The following GRIN3A variants were observed in gnomAD, a reference collection of about 807,000 sequenced individuals.
GRIN3A encodes the protein glutamate receptor ionotropic, NMDA 3A.
In GRIN3A, 47 loss-of-function variants were observed where a neutral mutation model predicts 92.4. That is an observed-to-expected ratio of 0.51 (90% CI 0.40 to 0.65). GRIN3A has a LOEUF of 0.65. Among genes scored for constraint, GRIN3A ranks in the 30% least tolerant of loss-of-function variants. The pLI is 0.00. For missense variants in GRIN3A, 1,324 were observed against 1,393.1 expected (o/e 0.95, Z 0.79); for synonymous variants, 527 against 540.6 (o/e 0.97, Z 0.35).
At chr9:101,601,810 C>G (rs1386390612) in intron 6 of GRIN3A, among the ~76,000 whole-genome samples, 2 of 152,184 alleles carry the variant, frequency 1.3e-5, no homozygotes, top group African/African-American at 4.8e-5. Flanking sequence ...GCCAGTCATA[C>G]TGGATTCGGG....
At chr9:101,575,208 T>G (rs1316128638) in intron 8 of GRIN3A, among the ~76,000 whole-genome samples, 1 of 152,156 alleles carries the variant, frequency 6.6e-6, no homozygotes, top group Admixed American at 6.5e-5. Flanking sequence ...GAGCAGAGGG[T>G]ACCAGAGCTC....
At chr9:101,666,660 C>T (rs1328635133) in intron 3 of GRIN3A, among the ~76,000 whole-genome samples, 1 of 151,960 alleles carries the variant, frequency 6.6e-6, no homozygotes, top group Non-Finnish European at 1.5e-5. Flanking sequence ...TAAAATATGC[C>T]ATGCATGAAA....
intron 1 of GRIN3A, among the ~76,000 whole-genome samples, chr9:101,721,379 C>G (rs780723342): frequency 6.6e-6 from 1 of 152,164 alleles, no homozygotes; most frequent in Non-Finnish European, 1.5e-5. Context: ...TCTTTTTCTT[C>G]CCAGTCTGGG....
intron 6 of GRIN3A, among the ~76,000 whole-genome samples, chr9:101,610,074 C>T (rs755123251): frequency 1.3e-5 from 2 of 152,210 alleles, no homozygotes; most frequent in Non-Finnish European, 2.9e-5. Flanking sequence ...TGATAGAAAA[C>T]ACCAAGTGAT....
At chr9:101,708,916 G>A (rs139347861) in intron 1 of GRIN3A, among the ~76,000 whole-genome samples, 73 of 152,308 alleles carry the variant, frequency 4.8e-4, no homozygotes, top group African/African-American at 1.7e-3. Context: ...CCACACAATA[G>A]TAGAAAGCTC....
At chr9:101,690,427 A>C (rs936498933) in intron 1 of GRIN3A, among the ~76,000 whole-genome samples, 1 of 152,118 alleles carries the variant, frequency 6.6e-6, no homozygotes, top group Admixed American at 6.5e-5. Flanking sequence ...CAGAGCCTGA[A>C]ATTTCCAAAA....
At chr9:101,597,039 C>A (rs928432301) in intron 6 of GRIN3A, among the ~76,000 whole-genome samples, 4 of 152,184 alleles carry the variant, frequency 2.6e-5, no homozygotes, top group Admixed American at 1.3e-4. Context: ...CCTCTCTGTG[C>A]CTTTCACCTC....
At chr9:101,585,920 T>G (rs1025324385) in intron 6 of GRIN3A, among the ~76,000 whole-genome samples, 1 of 152,192 alleles carries the variant, frequency 6.6e-6, no homozygotes, top group Non-Finnish European at 1.5e-5. Context: ...AAGATCTATT[T>G]CCTCATATCC....
intron 6 of GRIN3A, among the ~76,000 whole-genome samples, chr9:101,598,098 TA>T (rs1434251277): frequency 6.6e-6 from 1 of 152,218 alleles, no homozygotes; most frequent in African/African-American, 2.4e-5. Flanking sequence ...TATGTACTTT[TA>T]AATTTTTAGT....
intron 6 of GRIN3A, among the ~76,000 whole-genome samples, chr9:101,612,938 A>G (rs868318237): frequency 1.7e-4 from 26 of 152,350 alleles, no homozygotes; most frequent in African/African-American, 5.1e-4. Flanking sequence ...CTACATCCAC[A>G]AAGGCTTTAT....
chr9:101,701,354 C>A (rs1007074133), intron 1 of GRIN3A, among the ~76,000 whole-genome samples: 2 of 152,080 alleles, frequency 1.3e-5, no homozygotes, highest in African/African-American at 4.8e-5. Context: ...AGTTGTTTAT[C>A]CTGATCTTCT....
At chr9:101,634,332 C>CAAAAAAAAA (rs10664535) in intron 3 of GRIN3A, among the ~76,000 whole-genome samples, 3 of 68,728 alleles carry the variant, frequency 4.4e-5, no homozygotes, top group Non-Finnish European at 5.3e-5. Context: ...GACTCCGTCT[C>CAAAAAAAAA]AAAAAAAAAA....
chr9:101,658,646 C>A (rs933859118), intron 3 of GRIN3A, among the ~76,000 whole-genome samples: 3 of 151,810 alleles, frequency 2.0e-5, no homozygotes. Flanking sequence ...ATGGTAAACT[C>A]ACTTCTTGAG....
chr9:101,584,916 A>G (rs1035048573), intron 6 of GRIN3A, among the ~76,000 whole-genome samples: 7 of 152,194 alleles, frequency 4.6e-5, no homozygotes, highest in African/African-American at 1.7e-4. Context: ...TTCACTCATC[A>G]TTTGTTTTTG....
intron 8 of GRIN3A, among the ~76,000 whole-genome samples, 173 bp downstream of exon 8, chr9:101,577,595 T>C (rs1332562487): frequency 6.6e-6 from 1 of 152,222 alleles, no homozygotes; most frequent in East Asian, 1.9e-4. Flanking sequence ...GACAGTATAT[T>C]GTGTACACTG....
At chr9:101,661,805 A>C (rs988313505) in intron 3 of GRIN3A, among the ~76,000 whole-genome samples, 1 of 151,874 alleles carries the variant, frequency 6.6e-6, no homozygotes, top group African/African-American at 2.4e-5. Flanking sequence ...TGAGCATTGC[A>C]TAAACCCAGC....
chr9:101,687,002 T>G lies in GRIN3A; in HGVS notation c.898A>C (p.Asn300His), dbSNP rs760295665. ...HLGSIINITA[N>H]LPSTQDLLSF... Reference sequence around the variant, plus strand: ...AAGAGGTCCTGGGTGGAGGGGAGGTTAGCGGTGATGTTGATGATAGAACCA... The same window carrying G: ...AAGAGGTCCTGGGTGGAGGGGAGGTGAGCGGTGATGTTGATGATAGAACCA... The change falls in exon 2 of 9, where the codon AAC becomes CAC. Residue 300 changes from asparagine (N) to histidine (H), a missense_variant. Physicochemically the swap from Asn to His is moderately conservative, Grantham distance 68. Transcript: ENST00000361820. 5.6e-6 allele frequency: 9 copies of G among 1,614,070 alleles called. No individual in the cohort carries two copies. Among genetic ancestry groups the G allele is most frequent in the Non-Finnish European group, 6.8e-6 (8 of 1,179,988 alleles).
intron 6 of GRIN3A, among the ~76,000 whole-genome samples, chr9:101,604,113 G>A (rs1455714095): frequency 2.6e-5 from 4 of 152,064 alleles, no homozygotes; most frequent in Admixed American, 2.6e-4. Flanking sequence ...ATGGTACGTG[G>A]GAATTCAACA....
In GRIN3A at chr9:101,656,155, A is replaced by AT. The variant is rs1829086346; in HGVS notation, c.2352+13904dup. On this transcript the variant is annotated intron_variant, in intron 3 of 8. Transcript: ENST00000361820. ...CAAGGGTAAAAGGCTTGCAAAAGGA[A>AT]TTTTTTCTGAAATTCTTTAGAGGAT... Among the ~76,000 whole-genome samples the AT allele has an allele frequency of 3.9e-5, 6 of 152,036 alleles. No homozygotes were observed. In the South Asian group the frequency reaches 1.0e-3, roughly 26 times the overall value.
Sources: allele counts gnomAD v4.1 joint callset (sites outside exome capture counted in the v4.1 genomes callset), GRCh38; gene constraint gnomAD v4.1.1; transcripts MANE v1.5; gene names NCBI Gene and HGNC (gene_info 2026-07-23, HGNC 2026-07-21).